The following SNTG1 variants were observed in gnomAD, a reference collection of about 807,000 sequenced individuals.
SNTG1 encodes syntrophin gamma 1, also known as gamma-1-syntrophin.
SNTG1 carries 39 observed loss-of-function variants against 74.7 expected under a neutral mutation model. The observed-to-expected ratio is 0.52, with a 90% CI of 0.40 to 0.68. The LOEUF is 0.68. Ranked by LOEUF, SNTG1 falls within the 30% of genes least tolerant of loss-of-function variation. SNTG1 has a pLI of 0.00. For synonymous variants in SNTG1, 254 were observed against 217.1 expected, an observed-to-expected ratio of 1.17 and a Z score of -1.49; for missense variants, 685 against 609.5, an observed-to-expected ratio of 1.12 and a Z score of -1.30.
chr8:50,557,540 G>C (rs1021981284), intron 12 of SNTG1, among the ~76,000 whole-genome samples: 1 of 152,110 alleles, frequency 6.6e-6, no homozygotes, highest in Admixed American at 6.5e-5. Flanking sequence ...GTCTCTTCCA[G>C]CCTCTGGTGG....
chr8:50,077,853 C>T (rs1449078631), intron 1 of SNTG1, among the ~76,000 whole-genome samples: 1 of 152,052 alleles, frequency 6.6e-6, no homozygotes, highest in Admixed American at 6.6e-5. Context: ...TGTGTGTATG[C>T]ATATGTTTTA....
chr8:50,525,105 T>A (rs2094209617), intron 9 of SNTG1, among the ~76,000 whole-genome samples: 1 of 152,144 alleles, frequency 6.6e-6, no homozygotes, highest in Non-Finnish European at 1.5e-5. Context: ...TAAGAAGATC[T>A]GTATTTCTCC....
At chr8:49,980,867 T>C (rs994362754) in intron 1 of SNTG1, among the ~76,000 whole-genome samples, 1 of 152,204 alleles carries the variant, frequency 6.6e-6, no homozygotes, top group Admixed American at 6.5e-5. Context: ...TGTACACTTT[T>C]ATGATTTCTA....
At chr8:50,643,347 G>A (rs2095086067) in intron 13 of SNTG1, among the ~76,000 whole-genome samples, 1 of 152,152 alleles carries the variant, frequency 6.6e-6, no homozygotes, top group Non-Finnish European at 1.5e-5. Flanking sequence ...AGCTTTTATA[G>A]CCAGCCCTCT....
chr8:50,217,323 G>T (rs989546649), intron 2 of SNTG1, among the ~76,000 whole-genome samples: 1 of 151,892 alleles, frequency 6.6e-6, no homozygotes, highest in Non-Finnish European at 1.5e-5. Flanking sequence ...TAATGAAGGG[G>T]AGTCATTTTT....
chr8:50,054,483 T>C (rs1044913288), intron 1 of SNTG1, among the ~76,000 whole-genome samples: 2 of 152,126 alleles, frequency 1.3e-5, no homozygotes, highest in Non-Finnish European at 2.9e-5. Flanking sequence ...CATCTTTTCA[T>C]ACTTATATTA....
At chr8:50,581,856 T>C (rs927856812) in intron 12 of SNTG1, among the ~76,000 whole-genome samples, 2 of 152,162 alleles carry the variant, frequency 1.3e-5, no homozygotes, top group Non-Finnish European at 2.9e-5. Context: ...AATATTGCAG[T>C]CCTAAAGAAT....
intron 1 of SNTG1, among the ~76,000 whole-genome samples, chr8:49,932,636 A>G (rs913405906): frequency 2.6e-5 from 4 of 152,076 alleles, no homozygotes; most frequent in African/African-American, 9.7e-5. Context: ...CCCATAACAT[A>G]ATACTTACCC....
intron 1 of SNTG1, among the ~76,000 whole-genome samples, chr8:50,137,705 C>A (rs2081520027): frequency 6.6e-6 from 1 of 152,132 alleles, no homozygotes; most frequent in South Asian, 2.1e-4. Context: ...ATGGAGTAAA[C>A]CACCAGATCT....
chr8:49,942,504 A>C (rs964310659), intron 1 of SNTG1, among the ~76,000 whole-genome samples: 3 of 149,514 alleles, frequency 2.0e-5, no homozygotes, highest in African/African-American at 7.7e-5. Context: ...TACTTAATTT[A>C]AGTTTTCTTA....
At chr8:50,776,974 G>T (rs1475126235) in intron 18 of SNTG1, among the ~76,000 whole-genome samples, 1 of 151,678 alleles carries the variant, frequency 6.6e-6, no homozygotes, top group Non-Finnish European at 1.5e-5. Flanking sequence ...TTCTCCTATA[G>T]GTAAGGTTTT....
intron 1 of SNTG1, among the ~76,000 whole-genome samples, chr8:49,959,534 A>G (rs113659673): frequency 2.0e-5 from 3 of 152,272 alleles, no homozygotes; most frequent in African/African-American, 7.2e-5. Context: ...ATATAAATGG[A>G]ATCATACAAT....
At position 50,033,382 on chromosome 8, in the gene SNTG1, C is replaced by T. The variant is rs191509586; in HGVS notation, c.-103+121151C>T. Reference sequence around the variant, plus strand: ...CAGGTGATCTGCCTGCCTTGGCCTCCGAAAGTTCTGGGATTACAGGGGTGA... The same window carrying T: ...CAGGTGATCTGCCTGCCTTGGCCTCTGAAAGTTCTGGGATTACAGGGGTGA... On this transcript the variant is annotated intron_variant, in intron 1 of 18. Coordinates refer to ENST00000642720, the MANE Select transcript of SNTG1 (RefSeq NM_018967.5). Among the ~76,000 whole-genome samples, 168 of 152,076 alleles carry T rather than the reference C, an allele frequency of 1.1e-3. 2 individuals carry two copies. The highest frequency in any genetic ancestry group is 3.9e-3 in the African/African-American group (162 of 41,478).
At chr8:50,149,527 C>T (rs1021622457) in intron 1 of SNTG1, among the ~76,000 whole-genome samples, 1 of 152,104 alleles carries the variant, frequency 6.6e-6, no homozygotes, top group African/African-American at 2.4e-5. Flanking sequence ...GGTTTCAGGT[C>T]TAACATTTAA....
rs77856618 is a variant in SNTG1 at position 50,344,571 on chromosome 8, A to G, written c.-27-49641A>G. ...ATTACTGTGGTCATTTCTGGATGAT[A>G]TAATTTACCACATCTGCCCTCTGGC... On this transcript the variant is annotated intron_variant, in intron 2 of 18. Coordinates refer to ENST00000642720, the MANE Select transcript of SNTG1 (RefSeq NM_018967.5). 7.2e-3 allele frequency among the ~76,000 whole-genome samples: 1,101 copies of G among 152,354 alleles called. 12 individuals carry two copies. The highest frequency in any genetic ancestry group is 0.012 in the Non-Finnish European group (818 of 68,030).
chr8:50,018,842 C>T lies in SNTG1; in HGVS notation c.-103+106611C>T, dbSNP rs1347140004. On this transcript the variant is annotated intron_variant, in intron 1 of 18. Coordinates refer to ENST00000642720, the MANE Select transcript of SNTG1 (RefSeq NM_018967.5). ...GAAACAAAAAATAACAAGTGTTGGC[C>T]AAGATGTGGAGACATTGGATCCTTT... Among the ~76,000 whole-genome samples, 4 of 151,978 alleles carry T rather than the reference C, an allele frequency of 2.6e-5. No individual in the cohort carries two copies. In the East Asian group the frequency reaches 7.7e-4, roughly 29 times the overall value.
chr8:49,919,368 A>G (rs1322257863), intron 1 of SNTG1, among the ~76,000 whole-genome samples: 1 of 152,222 alleles, frequency 6.6e-6, no homozygotes, highest in South Asian at 2.1e-4. Context: ...CAGAACACAA[A>G]TGACTAGCAT....
At chr8:50,019,971 C>T (rs532615648) in intron 1 of SNTG1, among the ~76,000 whole-genome samples, 1 of 152,152 alleles carries the variant, frequency 6.6e-6, no homozygotes, top group South Asian at 2.1e-4. Flanking sequence ...GTTATTAAGA[C>T]ACTAAAACAG....
chr8:50,068,417 A>G (rs531138992), intron 1 of SNTG1, among the ~76,000 whole-genome samples: 28 of 152,184 alleles, frequency 1.8e-4, no homozygotes, highest in Non-Finnish European at 3.1e-4. Context: ...ATCATTTCCA[A>G]GGTGTTTGAC....
Sources: allele counts gnomAD v4.1 joint callset (sites outside exome capture counted in the v4.1 genomes callset), GRCh38; gene constraint gnomAD v4.1.1; transcripts MANE v1.5; gene names NCBI Gene and HGNC (gene_info 2026-07-23, HGNC 2026-07-21).